Variants in TTC7B observed in about 807,000 individuals in gnomAD.
The protein encoded by TTC7B is tetratricopeptide repeat domain 7B.
Under a neutral mutation model 106.8 loss-of-function variants are expected in TTC7B, and 28 were observed. That is an observed-to-expected ratio of 0.26 (90% CI 0.19 to 0.36). The LOEUF (loss-of-function observed/expected upper bound fraction) is 0.36. Among genes scored for constraint, TTC7B ranks in the 10% least tolerant of loss-of-function variants. The probability of loss-of-function intolerance (pLI) is 1.00; values close to 1 mark genes in which losing one functional copy is unlikely to be tolerated. For synonymous variants in TTC7B, 405 were observed against 430.6 expected, an observed-to-expected ratio of 0.94 and a Z score of 0.74; for missense variants, 862 against 1,076.4, an observed-to-expected ratio of 0.80 and a Z score of 2.79.
At chr14:90,665,192 G>T (rs1175966817) in intron 9 of TTC7B, among the ~76,000 whole-genome samples, 4 of 152,152 alleles carry the variant, frequency 2.6e-5, no homozygotes, top group Non-Finnish European at 4.4e-5. Context: ...TTTGGCAGTG[G>T]TATTATTTCT....
chr14:90,657,609 A>G lies in TTC7B; in HGVS notation c.1237-331T>C, dbSNP rs3742657. 0.24 allele frequency among the ~76,000 whole-genome samples: 36,241 copies of G among 152,224 alleles called. 4,363 individuals are homozygous for G. The highest frequency in any genetic ancestry group is 0.26 in the South Asian group (1,238 of 4,826). ...AGGTAAATATCTAATTTAAGGCACA[A>G]AATACTGAATTTCTGAATTCACTTA... On this transcript the variant is annotated intron_variant, in intron 10 of 19. Coordinates refer to ENST00000328459, the MANE Select transcript of TTC7B (RefSeq NM_001010854.2). This position sits in a 1 kb window ranked among gnomAD's most constrained non-coding sequence, Gnocchi z 4.2.
intron 9 of TTC7B, among the ~76,000 whole-genome samples, 168 bp from the exon 10 acceptor site, chr14:90,658,555 C>A (rs1886048544): frequency 1.3e-5 from 2 of 152,248 alleles, no homozygotes; most frequent in African/African-American, 2.4e-5. Context: ...AGTCCCCACA[C>A]AGGATGATGC....
intron 14 of TTC7B, chr14:90,644,874 G>A (rs974858429): frequency 6.6e-6 from 1 of 152,238 alleles, no homozygotes; most frequent in African/African-American, 2.4e-5. Flanking sequence ...AATGCCGCAT[G>A]CAAAGCAGAT....
chr14:90,753,188 C>A (rs1890185863), intron 3 of TTC7B, among the ~76,000 whole-genome samples: 1 of 152,220 alleles, frequency 6.6e-6, no homozygotes, highest in African/African-American at 2.4e-5. Flanking sequence ...TGTACTATAA[C>A]TCTAAGCACT....
intron 1 of TTC7B, 54 bp from the exon 2 acceptor site, chr14:90,786,382 A>AC: frequency 6.3e-7 from 1 of 1,599,628 alleles, no homozygotes; most frequent in Non-Finnish European, 8.5e-7. Flanking sequence ...TGCATGTAGG[A>AC]CCCCCTCACT....
intron 1 of TTC7B, among the ~76,000 whole-genome samples, chr14:90,801,699 T>C (rs1010263496): frequency 2.0e-5 from 3 of 152,140 alleles, no homozygotes; most frequent in Admixed American, 6.5e-5. Context: ...ACCACGACCA[T>C]GTCTGCTACC....
chr14:90,554,607 A>G (rs2139776086), intron 19 of TTC7B, among the ~76,000 whole-genome samples: 1 of 152,268 alleles, frequency 6.6e-6, no homozygotes, highest in African/African-American at 2.4e-5. Context: ...GCCCTCGCTC[A>G]AGGCTCGGGA....
At chr14:90,542,000 C>T (rs375633095) in intron 19 of TTC7B, among the ~76,000 whole-genome samples, 9 of 152,248 alleles carry the variant, frequency 5.9e-5, no homozygotes, top group South Asian at 4.1e-4. Context: ...AGTGCAGTGG[C>T]GCGATCTTGG....
chr14:90,626,933 C>T (rs1884468671), intron 15 of TTC7B, among the ~76,000 whole-genome samples: 1 of 152,164 alleles, frequency 6.6e-6, no homozygotes, highest in Admixed American at 6.5e-5. Context: ...AAACTTCTGT[C>T]TGGGAGTTAT....
Position 90,677,813 on chromosome 14 carries a change from T to G in TTC7B, c.1015-1153A>C, listed in dbSNP as rs1057425644. On this transcript the variant is annotated intron_variant, in intron 8 of 19. Transcript: ENST00000328459. Reference sequence around the variant, plus strand: ...GCATTTACTTTTAGCCACCCATCAGTACTTACTCACTTTAAAACTCCTTGC... The same window carrying G: ...GCATTTACTTTTAGCCACCCATCAGGACTTACTCACTTTAAAACTCCTTGC... 21 of 455,436 alleles carry G rather than the reference T, an allele frequency of 4.6e-5. No individual in the cohort carries two copies. In the Admixed American group the frequency reaches 5.0e-4, roughly 11 times the overall value. The allele number at this position is 455,436 out of a possible 1,614,324, so 28.2% of individuals were successfully genotyped here.
chr14:90,793,930 T>C (rs1891678543), intron 1 of TTC7B, among the ~76,000 whole-genome samples: 1 of 150,600 alleles, frequency 6.6e-6, no homozygotes, highest in Non-Finnish European at 1.5e-5. Flanking sequence ...TTCGAAACAG[T>C]CTCATTCTAT....
chr14:90,677,135 T>G (rs1389259401), intron 8 of TTC7B, among the ~76,000 whole-genome samples: 1 of 152,234 alleles, frequency 6.6e-6, no homozygotes. Flanking sequence ...TCAAGTTCCA[T>G]GAGTCCTACA....
At chr14:90,666,056 T>G (rs968848971) in intron 9 of TTC7B, among the ~76,000 whole-genome samples, 2 of 152,192 alleles carry the variant, frequency 1.3e-5, no homozygotes, top group African/African-American at 4.8e-5. Flanking sequence ...ATATCGAAAC[T>G]AAGACCCAGA....
intron 16 of TTC7B, among the ~76,000 whole-genome samples, chr14:90,616,744 T>G (rs1028720740): frequency 6.6e-6 from 1 of 152,194 alleles, no homozygotes; most frequent in African/African-American, 2.4e-5. Flanking sequence ...ACCCCATCTC[T>G]GTTCTGCTGC....
chr14:90,704,760 C>T (rs544387181), intron 5 of TTC7B, among the ~76,000 whole-genome samples: 11 of 152,134 alleles, frequency 7.2e-5, no homozygotes, highest in Admixed American at 2.0e-4. Context: ...AAGATGGTGT[C>T]GGGGAAAAAG....
intron 3 of TTC7B, among the ~76,000 whole-genome samples, chr14:90,754,230 G>C (rs1312241489): frequency 6.6e-6 from 1 of 152,168 alleles, no homozygotes; most frequent in Non-Finnish European, 1.5e-5. Context: ...GCAGAGCTAG[G>C]ATTCCAACCC....
intron 16 of TTC7B, among the ~76,000 whole-genome samples, chr14:90,613,686 C>A (rs1389716691): frequency 6.6e-6 from 1 of 152,202 alleles, no homozygotes; most frequent in Non-Finnish European, 1.5e-5. Flanking sequence ...CTCCTCATAG[C>A]CCAGTCACCT....
intron 4 of TTC7B, among the ~76,000 whole-genome samples, chr14:90,741,029 C>T (rs935884750): frequency 2.0e-5 from 3 of 152,272 alleles, no homozygotes; most frequent in East Asian, 1.9e-4. Flanking sequence ...GTTTTACAGA[C>T]GAGGATCCTG....
intron 3 of TTC7B, among the ~76,000 whole-genome samples, chr14:90,751,566 C>A (rs1464097741): frequency 6.6e-6 from 1 of 151,842 alleles, no homozygotes; most frequent in East Asian, 1.9e-4. Context: ...TTGCTAATTT[C>A]TTTTTATTTA....
Sources: allele counts gnomAD v4.1 joint callset (sites outside exome capture counted in the v4.1 genomes callset), GRCh38; gene constraint gnomAD v4.1.1; non-coding constraint Gnocchi (gnomAD v3.1); transcripts MANE v1.5; gene names NCBI Gene and HGNC (gene_info 2026-07-23, HGNC 2026-07-21).